The following ESRRG variants were observed in gnomAD, a reference collection of about 807,000 sequenced individuals.
The protein encoded by ESRRG is estrogen related receptor gamma, also known as estrogen-related receptor gamma.
ESRRG carries 13 observed loss-of-function variants against 44.0 expected under a neutral mutation model. That is an observed-to-expected ratio of 0.30 (90% CI 0.19 to 0.47). The LOEUF (loss-of-function observed/expected upper bound fraction) is 0.47. Among genes scored for constraint, ESRRG ranks in the 20% least tolerant of loss-of-function variants. ESRRG has a pLI of 1.00. For missense variants in ESRRG, 395 were observed against 580.6 expected (o/e 0.68, Z 3.29); for synonymous variants, 215 against 214.6 (o/e 1.00, Z -0.02).
intron 3 of ESRRG, among the ~76,000 whole-genome samples, chr1:216,611,211 CAAAAAA>C (rs397861468): frequency 6.6e-5 from 4 of 60,438 alleles, no homozygotes; most frequent in East Asian, 6.3e-4. Flanking sequence ...ACTCCGTCCT[CAAAAAA>C]AAAAAAAAAA....
chr1:216,591,485 C>A (rs553119145), intron 3 of ESRRG, among the ~76,000 whole-genome samples: 5 of 152,078 alleles, frequency 3.3e-5, no homozygotes, highest in Non-Finnish European at 7.4e-5. Flanking sequence ...CAGTTGGTGC[C>A]TAGAGAATCA....
chr1:216,877,022 A>G (rs2096366025), intron 2 of ESRRG, among the ~76,000 whole-genome samples: 1 of 145,106 alleles, frequency 6.9e-6, no homozygotes, highest in Non-Finnish European at 1.5e-5. Flanking sequence ...GTGATCTATG[A>G]AGCATGGAAG....
chr1:216,658,522 G>A (rs2071237926), intron 2 of ESRRG, among the ~76,000 whole-genome samples: 1 of 151,892 alleles, frequency 6.6e-6, no homozygotes, highest in Non-Finnish European at 1.5e-5. Context: ...GTGATAGGAG[G>A]GGAGGAGAAA....
chr1:216,790,034 C>T (rs756454397), intron 2 of ESRRG, among the ~76,000 whole-genome samples: 10 of 152,152 alleles, frequency 6.6e-5, no homozygotes, highest in Non-Finnish European at 2.9e-5. Context: ...CTGACCTGAA[C>T]TTTGCTCTCT....
At chr1:216,579,714 G>C (rs1322277171) in intron 3 of ESRRG, among the ~76,000 whole-genome samples, 1 of 152,090 alleles carries the variant, frequency 6.6e-6, no homozygotes, top group Non-Finnish European at 1.5e-5. Flanking sequence ...GATCCTCAAT[G>C]CAAGGATGCA....
intron 3 of ESRRG, among the ~76,000 whole-genome samples, chr1:216,620,129 C>T (rs1284426068): frequency 1.3e-5 from 2 of 152,106 alleles, no homozygotes; most frequent in Non-Finnish European, 2.9e-5. Flanking sequence ...TAAGTCCAGG[C>T]TCAGAAGCCA....
At chr1:217,059,033 G>A (rs1350200928) in intron 1 of ESRRG, among the ~76,000 whole-genome samples, 1 of 147,906 alleles carries the variant, frequency 6.8e-6, no homozygotes, top group African/African-American at 2.5e-5. Context: ...ATAAATTATA[G>A]CATATTATAG....
intron 5 of ESRRG, among the ~76,000 whole-genome samples, chr1:216,560,991 T>G (rs143018079): frequency 1.0e-3 from 158 of 152,290 alleles, no homozygotes; most frequent in African/African-American, 3.6e-3. Flanking sequence ...CTTGTGCCCT[T>G]ATGCTCCTCC....
intron 5 of ESRRG, among the ~76,000 whole-genome samples, chr1:216,520,247 T>A (rs2045679017): frequency 6.6e-6 from 1 of 152,188 alleles, no homozygotes. Context: ...AATTAACTTG[T>A]CTCTTAAATT....
chr1:216,675,679 G>T (rs919252564), intron 2 of ESRRG, among the ~76,000 whole-genome samples: 2 of 152,118 alleles, frequency 1.3e-5, no homozygotes, highest in African/African-American at 4.8e-5. Context: ...AGATTGCTAG[G>T]CCCACCCTCA....
chr1:216,931,053 T>C (rs1169367623), intron 2 of ESRRG, among the ~76,000 whole-genome samples: 4 of 152,184 alleles, frequency 2.6e-5, no homozygotes, highest in Admixed American at 1.3e-4. Flanking sequence ...AGCGATATTA[T>C]TCTAGTGTGG....
intron 2 of ESRRG, among the ~76,000 whole-genome samples, chr1:216,878,231 G>A (rs1333536199): frequency 6.6e-6 from 1 of 151,984 alleles, no homozygotes; most frequent in Non-Finnish European, 1.5e-5. Context: ...TCTGTAAACT[G>A]CCTGATCATA....
chr1:216,611,094 T>C (rs970411124), intron 3 of ESRRG, among the ~76,000 whole-genome samples: 9 of 150,690 alleles, frequency 6.0e-5, no homozygotes, highest in African/African-American at 2.2e-4. Flanking sequence ...TCCCAGCTAC[T>C]CGGGAGGCTG....
At chr1:216,582,974 G>T (rs576762950) in intron 3 of ESRRG, among the ~76,000 whole-genome samples, 2 of 151,992 alleles carry the variant, frequency 1.3e-5, no homozygotes, top group Non-Finnish European at 2.9e-5. Context: ...GAGAATGGGA[G>T]AATGGCCAGG....
chr1:216,982,764 G>C (rs932609693), intron 1 of ESRRG, among the ~76,000 whole-genome samples: 2 of 152,144 alleles, frequency 1.3e-5, no homozygotes, highest in African/African-American at 4.8e-5. Context: ...AGGCAAAGAG[G>C]TTCTTTTGGT....
chr1:217,009,932 A>T (rs1033636675), intron 1 of ESRRG, among the ~76,000 whole-genome samples: 17 of 151,864 alleles, frequency 1.1e-4, no homozygotes, highest in South Asian at 4.2e-4. Context: ...TCTCAAACTC[A>T]TGACCTCATA....
chr1:216,963,686 C>CCTCTT (rs2069627294), intron 1 of ESRRG, among the ~76,000 whole-genome samples: 1 of 152,126 alleles, frequency 6.6e-6, no homozygotes, highest in African/African-American at 2.4e-5. Flanking sequence ...CTTAGGGAAA[C>CCTCTT]CCGAGAAGAG....
intron 1 of ESRRG, among the ~76,000 whole-genome samples, chr1:216,691,672 G>A (rs923745566): frequency 6.6e-6 from 1 of 152,162 alleles, no homozygotes; most frequent in Non-Finnish European, 1.5e-5. Context: ...ATCTGGCCAA[G>A]TTCACCATCC....
chr1:216,626,454 C>T (rs34784732), intron 3 of ESRRG, among the ~76,000 whole-genome samples: 2,527 of 152,306 alleles, frequency 0.017, 33 homozygotes, highest in Admixed American at 0.041. Flanking sequence ...TCTTCTAGCA[C>T]ACCATCCTGC....
Sources: allele counts gnomAD v4.1 joint callset (sites outside exome capture counted in the v4.1 genomes callset), GRCh38; gene constraint gnomAD v4.1.1; transcripts MANE v1.5; gene names NCBI Gene and HGNC (gene_info 2026-07-23, HGNC 2026-07-21).